GSE1: variants seen among roughly 807,000 people sequenced by gnomAD.
GSE1 encodes genetic suppressor element 1.
GSE1 carries 32 observed loss-of-function variants against 112.6 expected under a neutral mutation model. The observed-to-expected ratio is 0.28, with a 90% CI of 0.21 to 0.38. The LOEUF is 0.38. Ranked by LOEUF, GSE1 falls within the 10% of genes least tolerant of loss-of-function variation. The pLI, the probability that GSE1 is intolerant of heterozygous loss-of-function variation, is 1.00. For synonymous variants in GSE1, 1,115 were observed against 735.6 expected (o/e 1.52, Z -8.35); for missense variants, 2,348 against 1,699.2 (o/e 1.38, Z -6.71).
intron 2 of GSE1, among the ~76,000 whole-genome samples, chr16:85,392,678 A>G (rs1204041636): frequency 1.3e-5 from 2 of 152,240 alleles, no homozygotes; most frequent in Admixed American, 6.5e-5. Flanking sequence ...ATTTGGGGGT[A>G]GGTTCTCCCA....
At chr16:85,526,701 G>T (rs753892230) in intron 2 of GSE1, among the ~76,000 whole-genome samples, 1 of 152,180 alleles carries the variant, frequency 6.6e-6, no homozygotes, top group Non-Finnish European at 1.5e-5. Flanking sequence ...GGCTGCCTGT[G>T]ACTGCATAAG....
intron 2 of GSE1, among the ~76,000 whole-genome samples, chr16:85,541,355 G>A (rs1417179424): frequency 6.6e-6 from 1 of 152,232 alleles, no homozygotes; most frequent in Non-Finnish European, 1.5e-5. Flanking sequence ...TCTCCACTGT[G>A]CCCTGCCAGA....
rs539268409 is a variant in GSE1, at chr16:85,591,583, G to C, written c.37+35220G>C. ...CACCTGGCTGTCGGCAGTGCCCCCC[G>C]TGGCAAGACCAGCCTCCCCTCTGAC... On this transcript the variant is annotated intron_variant, in intron 1 of 2. Transcript: ENST00000635906. Among the ~76,000 whole-genome samples the C allele has an allele frequency of 5.0e-4, 76 of 152,320 alleles. No individual in the cohort carries two copies. The South Asian group carries it at 0.015, about 30-fold the overall frequency.
At chr16:85,587,440 G>C (rs538985893) in intron 1 of GSE1, among the ~76,000 whole-genome samples, 1 of 152,190 alleles carries the variant, frequency 6.6e-6, no homozygotes, top group Non-Finnish European at 1.5e-5. Flanking sequence ...ACTGATCACG[G>C]CAGTGTGCAT....
At chr16:85,320,329 C>T (rs2046076554) in intron 1 of GSE1, among the ~76,000 whole-genome samples, 1 of 152,200 alleles carries the variant, frequency 6.6e-6, no homozygotes, top group Non-Finnish European at 1.5e-5. Context: ...ACACCAGGCC[C>T]GTTTGCCTCC....
At chr16:85,425,935 G>A (rs946346076) in intron 2 of GSE1, among the ~76,000 whole-genome samples, 1 of 152,196 alleles carries the variant, frequency 6.6e-6, no homozygotes, top group Non-Finnish European at 1.5e-5. Flanking sequence ...CAGTTGTTCA[G>A]CTTGTCAGTG....
chr16:85,616,336 G>A (rs1242759742), intron 1 of GSE1, among the ~76,000 whole-genome samples: 2 of 152,238 alleles, frequency 1.3e-5, no homozygotes, highest in Admixed American at 1.3e-4. Context: ...GTGCGGATAA[G>A]CTAGAGGGCT....
intron 1 of GSE1, among the ~76,000 whole-genome samples, chr16:85,172,670 ACAGT>A (rs1261402200): frequency 9.2e-5 from 14 of 152,246 alleles, no homozygotes; most frequent in Non-Finnish European, 1.9e-4. Flanking sequence ...TCTGCCAAAG[ACAGT>A]CAGTGCGACT....
chr16:85,554,387 TAGCCGGGGCTTTCGTTACTATGGTGC>T (rs1014418837), upstream of GSE1, among the ~76,000 whole-genome samples: 12 of 152,138 alleles, frequency 7.9e-5, no homozygotes, highest in Non-Finnish European at 1.3e-4. Context: ...TAAACCAAAT[TAGCCGGGGCTTTCGTTACTATGGTGC>T]AGCCGGGGCT....
rs559065568 is a variant in GSE1 at position 85,497,262 on chromosome 16, G to T, written c.2465-136652G>T. On this transcript the variant is annotated intron_variant, in intron 2 of 2. Transcript: ENST00000637419. ...TCTCCTGAAGGCGGAGTGGGTGGGC[G>T]CACCTCTGGTGTTAGACCTCCTTCT... is the stretch of plus-strand genomic sequence containing the variant. Among the ~76,000 whole-genome samples, 25 of 152,302 alleles carry T rather than the reference G, an allele frequency of 1.6e-4. No individual in the cohort carries two copies. In the East Asian group the frequency reaches 4.5e-3, roughly 27 times the overall value.
chr16:85,267,634 C>T (rs541217565), intron 1 of GSE1, among the ~76,000 whole-genome samples: 39 of 152,316 alleles, frequency 2.6e-4, no homozygotes, highest in African/African-American at 9.1e-4. Context: ...CAGGGATTGA[C>T]CTGCCCTTGT....
In GSE1 at chr16:85,344,528, G is replaced by A. The variant is rs574466703; in HGVS notation, c.2284-12935G>A. 2.5e-4 allele frequency among the ~76,000 whole-genome samples: 38 copies of A among 152,354 alleles called. No homozygotes were observed. The South Asian group carries it at 7.5e-3, about 30-fold the overall frequency. On this transcript the variant is annotated intron_variant, in intron 1 of 2. Transcript: ENST00000637419. ...GCGGGGCACATTTGATGGGCACCAG[G>A]AGCATGTGTGAAGCGCAGGGCTGCT...
At chr16:85,544,076 C>T (rs2044615707) in intron 2 of GSE1, among the ~76,000 whole-genome samples, 1 of 152,298 alleles carries the variant, frequency 6.6e-6, no homozygotes, top group African/African-American at 2.4e-5. Context: ...CCCAAGTGAT[C>T]CACCCACCTC....
intron 1 of GSE1, among the ~76,000 whole-genome samples, chr16:85,174,406 A>G (rs1362664199): frequency 1.3e-5 from 2 of 152,204 alleles, no homozygotes; most frequent in African/African-American, 2.4e-5. Context: ...GACAGCTCTG[A>G]TGGGTCTCAG....
intron 1 of GSE1, among the ~76,000 whole-genome samples, chr16:85,292,337 T>TG (rs1165458809): frequency 2.0e-5 from 3 of 150,042 alleles, no homozygotes; most frequent in Admixed American, 6.6e-5. Flanking sequence ...TGTTTTTTTT[T>TG]TTTGTTTTCT....
chr16:85,661,651 G>T lies in GSE1; in HGVS notation c.2146G>T (p.Val716Leu), dbSNP rs1483832653. The change falls in exon 9 of 16, where the codon GTG becomes TTG. Residue 716 changes from valine to leucine, a missense_variant. Val to Leu is a conservative substitution (Grantham distance 32). Coordinates refer to ENST00000253458, the MANE Select transcript of GSE1 (RefSeq NM_014615.5). Reference protein sequence around the residue: ...LKPGSPYRPPVPRAPDPAYIY... With the variant: ...LKPGSPYRPPLPRAPDPAYIY... ...GCCTGGCTCGCCCTACCGGCCCCCA[G>T]TGCCACGGGCCCCCGACCCTGCCTA... 3 of 1,611,230 alleles carry T rather than the reference G, an allele frequency of 1.9e-6. No homozygotes were observed. Among genetic ancestry groups the T allele is most frequent in the Admixed American group, 1.7e-5 (1 of 59,918 alleles).
intron 1 of GSE1, among the ~76,000 whole-genome samples, chr16:85,632,841 T>TG (rs1203447238): frequency 6.6e-6 from 1 of 151,842 alleles, no homozygotes. Flanking sequence ...GATGTAGGGG[T>TG]GGGGGCGTCT....
At chr16:85,488,460 C>T (rs956938672) in intron 2 of GSE1, among the ~76,000 whole-genome samples, 2 of 152,098 alleles carry the variant, frequency 1.3e-5, no homozygotes, top group African/African-American at 4.8e-5. Context: ...GCTCTAGAAA[C>T]GCAGGGTCTT....
intron 1 of GSE1, among the ~76,000 whole-genome samples, chr16:85,196,509 A>G (rs185558156): frequency 3.6e-4 from 55 of 152,240 alleles, no homozygotes; most frequent in Admixed American, 1.2e-3. Flanking sequence ...AAGAGAAAAA[A>G]GGGCCCTCAG....
Sources: allele counts gnomAD v4.1 joint callset (sites outside exome capture counted in the v4.1 genomes callset), GRCh38; gene constraint gnomAD v4.1.1; transcripts MANE v1.5; gene names NCBI Gene and HGNC (gene_info 2026-07-23, HGNC 2026-07-21).